MDM4: variants seen among roughly 807,000 people sequenced by gnomAD.
MDM4 encodes the protein protein Mdm4.
A neutral mutation model predicts 60.2 loss-of-function variants in MDM4; 2 were observed. The observed-to-expected ratio is 0.03, with a 90% CI of 0.01 to 0.10. MDM4 has a LOEUF of 0.10. MDM4 is among the 10% of genes least tolerant of loss of function. The pLI, the probability that MDM4 is intolerant of heterozygous loss-of-function variation, is 1.00. For synonymous variants in MDM4, 202 were observed against 198.1 expected (o/e 1.02, Z -0.17); for missense variants, 447 against 577.5 (o/e 0.77, Z 2.32).
chr1:204,557,190 C>G lies in MDM4; in HGVS notation c.*7508C>G, dbSNP rs972468041. ...TTCAGAATACCTCATGTTCTGGAAG[C>G]TGAGCACTAGCTCCCCTTTATTGCC... is the stretch of plus-strand genomic sequence containing the variant. On this transcript the variant is annotated 3_prime_UTR_variant, in exon 11 of 11. Transcript: ENST00000367182. 1.5e-5 allele frequency: 3 copies of G among 194,572 alleles called. No homozygotes were observed. The highest frequency in any genetic ancestry group is 3.2e-5 in the Non-Finnish European group (3 of 93,498). The allele number at this position is 194,572 out of a possible 1,614,324, so 12.1% of individuals were successfully genotyped here.
chr1:204,545,299 G>A (rs1467793414), intron 9 of MDM4, among the ~76,000 whole-genome samples: 2 of 152,108 alleles, frequency 1.3e-5, no homozygotes, highest in Non-Finnish European at 2.9e-5. Context: ...CTATTTTAGT[G>A]TTAAAATAGT....
Position 204,543,022 on chromosome 1 carries a change from T to C in MDM4, c.672+78T>C, listed in dbSNP as rs1572512302. 21 of 1,209,476 alleles carry C rather than the reference T, an allele frequency of 1.7e-5. No individual in the cohort carries two copies. The African/African-American group carries it at 1.8e-4, about 10-fold the overall frequency. 74.9% of individuals were successfully genotyped at this position (1,209,476 alleles called of 1,614,324 possible). On this transcript the variant is annotated intron_variant, in intron 8 of 10. Transcript: ENST00000367182. ...TTCTTGGTTACTCTTGACCACACAT[T>C]ATATTCTCTAAGAATTCTTATTTAC... is the stretch of plus-strand genomic sequence containing the variant.
chr1:204,538,278 T>G lies in MDM4; in HGVS notation c.481T>G (p.Ser161Ala). Residue 161 changes from serine to alanine, a missense_variant, in exon 7 of 11, where the codon TCA becomes GCA. Physicochemically the swap from Ser to Ala is moderately conservative, Grantham distance 99. Coordinates refer to ENST00000367182, the MANE Select transcript of MDM4 (RefSeq NM_002393.5). ...AGACGATATCCCCACACTGCCTACCTCAGAGCATAAATGCATACATTCTAG... is the reference window on the plus strand; with the variant it reads ...AGACGATATCCCCACACTGCCTACCGCAGAGCATAAATGCATACATTCTAG... ...TEDDIPTLPT[S>A]EHKCIHSRED... 6.2e-7 allele frequency: 1 copy of G among 1,605,614 alleles called. No individual in the cohort carries two copies. Among genetic ancestry groups the G allele is most frequent in the Non-Finnish European group, 8.5e-7 (1 of 1,172,242 alleles).
intron 7 of MDM4, among the ~76,000 whole-genome samples, chr1:204,541,338 G>A (rs4252711): frequency 0.037 from 5,676 of 152,182 alleles, 142 homozygotes; most frequent in Admixed American, 0.057. Flanking sequence ...ATGATGGTGC[G>A]CACCAGTCGT....
chr1:204,554,506 T>C lies in MDM4; in HGVS notation c.*4824T>C. ...ATCAAAGATGAACCGGTAAGCTGTC[T>C]CATGTACCAAACGTGAAATTTACAG... On this transcript the variant is annotated 3_prime_UTR_variant, in exon 11 of 11. Transcript: ENST00000367182. The C allele has an allele frequency of 4.4e-6, 1 of 225,570 alleles. No homozygotes were observed. The highest frequency in any genetic ancestry group is 6.4e-5 in the East Asian group (1 of 15,530). 14.0% of individuals were successfully genotyped at this position (225,570 alleles called of 1,614,324 possible). A position where few individuals can be genotyped will look rare whatever the true frequency, so the allele number is the denominator to read the frequency against.
Position 204,557,904 on chromosome 1 carries a change from C to CTAATAA in MDM4, c.*8244_*8249dup, listed in dbSNP as rs56199911. Reference sequence around the variant, plus strand: ...GTAATAATAAAACTTCAGTCTTTCGCTAATAATAATAATAATAATAATAAT... The same window carrying CTAATAA: ...GTAATAATAAAACTTCAGTCTTTCGCTAATAATAATAATAATAATAATAATAATAAT... On this transcript the variant is annotated 3_prime_UTR_variant, in exon 11 of 11. Coordinates refer to ENST00000367182, the MANE Select transcript of MDM4 (RefSeq NM_002393.5). 1.1e-3 allele frequency: 172 copies of CTAATAA among 150,836 alleles called. No individual in the cohort carries two copies. The highest frequency in any genetic ancestry group is 2.2e-3 in the Middle Eastern group (1 of 448). 9.3% of individuals were successfully genotyped at this position (150,836 alleles called of 1,614,324 possible).
At chr1:204,531,652 G>C (rs1329385759) in intron 4 of MDM4, among the ~76,000 whole-genome samples, 3 of 152,118 alleles carry the variant, frequency 2.0e-5, no homozygotes, top group Non-Finnish European at 4.4e-5. Flanking sequence ...CAACATAAGT[G>C]AAACGCCGTC....
rs191819769 is a variant in MDM4 at position 204,556,798 on chromosome 1, T to G, written c.*7116T>G. The G allele has an allele frequency of 6.4e-4, 133 of 206,850 alleles. 1 individual carries two copies. The highest frequency in any genetic ancestry group is 1.6e-3 in the Middle Eastern group (1 of 634). The allele number at this position is 206,850 out of a possible 1,614,324, so 12.8% of individuals were successfully genotyped here. A position where few individuals can be genotyped will look rare whatever the true frequency, so the allele number is the denominator to read the frequency against. The stretch of plus-strand genomic sequence containing the variant: ...TGAGAATCGAAGTGTTTCTTTTGGG[T>G]TTTTTTTTCCCCCTTTTAAAATCAA... On this transcript the variant is annotated 3_prime_UTR_variant, in exon 11 of 11. Coordinates refer to ENST00000367182, the MANE Select transcript of MDM4 (RefSeq NM_002393.5).
At position 204,554,101 on chromosome 1, in the gene MDM4, T is replaced by C. The variant is rs887608180; in HGVS notation, c.*4419T>C. 4 of 229,206 alleles carry C rather than the reference T, an allele frequency of 1.7e-5. No individual in the cohort carries two copies. Among genetic ancestry groups the C allele is most frequent in the African/African-American group, 8.9e-5 (4 of 45,162 alleles). The allele number at this position is 229,206 out of a possible 1,614,324, so 14.2% of individuals were successfully genotyped here. A position where few individuals can be genotyped will look rare whatever the true frequency, so the allele number is the denominator to read the frequency against. ...TTAAGGGTCAAGGTCATTTGTAACATTTTGTGTGTGTCAATTCAATGCAAT... is the reference window on the plus strand; with the variant it reads ...TTAAGGGTCAAGGTCATTTGTAACACTTTGTGTGTGTCAATTCAATGCAAT... On this transcript the variant is annotated 3_prime_UTR_variant, in exon 11 of 11. Coordinates refer to ENST00000367182, the MANE Select transcript of MDM4 (RefSeq NM_002393.5).
intron 3 of MDM4, among the ~76,000 whole-genome samples, chr1:204,528,121 T>A (rs1660423231): frequency 6.7e-6 from 1 of 150,190 alleles, no homozygotes; most frequent in African/African-American, 2.4e-5. Context: ...AAGCTTACAA[T>A]TTCACTGAAC....
chr1:204,525,347 G>T (rs547927180), intron 1 of MDM4, 137 bp from the exon 2 acceptor site: 200 of 1,383,612 alleles, frequency 1.4e-4, no homozygotes, highest in Admixed American at 7.1e-4. Context: ...CTCAGCAAGG[G>T]TATACAGCAT....
chr1:204,537,283 G>A lies in MDM4; in HGVS notation c.344-147G>A, dbSNP rs971072964. On this transcript the variant is annotated intron_variant, in intron 5 of 10. Coordinates refer to ENST00000367182, the MANE Select transcript of MDM4 (RefSeq NM_002393.5). Reference sequence around the variant, plus strand: ...TTTTATCAATTTTGATTTTTCCCTTGCAAATGAGAGCTTTGTCCAGCCAAC... The same window carrying A: ...TTTTATCAATTTTGATTTTTCCCTTACAAATGAGAGCTTTGTCCAGCCAAC... 17 of 557,710 alleles carry A rather than the reference G, an allele frequency of 3.0e-5. No individual in the cohort carries two copies. The Admixed American group carries it at 3.1e-4, about 10-fold the overall frequency. The allele number at this position is 557,710 out of a possible 1,614,324, so 34.5% of individuals were successfully genotyped here. A position where few individuals can be genotyped will look rare whatever the true frequency, so the allele number is the denominator to read the frequency against.
Position 204,554,020 on chromosome 1 carries a change from T to C in MDM4, c.*4338T>C, listed in dbSNP as rs1663395658. ...TTGTGTTTTAATTATAATTTATGTA[T>C]AGTTAGATGTATGTAGTGCATTGTG... On this transcript the variant is annotated 3_prime_UTR_variant, in exon 11 of 11. Transcript: ENST00000367182. The C allele has an allele frequency of 8.9e-6, 2 of 225,722 alleles. No homozygotes were observed. Among genetic ancestry groups the C allele is most frequent in the African/African-American group, 2.2e-5 (1 of 44,944 alleles). The allele number at this position is 225,722 out of a possible 1,614,324, so 14.0% of individuals were successfully genotyped here. A position where few individuals can be genotyped will look rare whatever the true frequency, so the allele number is the denominator to read the frequency against.
chr1:204,526,891 G>C (rs894975149), intron 3 of MDM4, among the ~76,000 whole-genome samples: 1 of 152,204 alleles, frequency 6.6e-6, no homozygotes, highest in African/African-American at 2.4e-5. Flanking sequence ...TTTAAAGACT[G>C]TTAGGTTGAA....
intron 10 of MDM4, 145 bp downstream of exon 10, chr1:204,547,022 A>AT (rs1196606388): frequency 1.8e-5 from 9 of 490,502 alleles, no homozygotes; most frequent in East Asian, 1.4e-4. Context: ...GTTTCTTTAC[A>AT]TTTTTTTAAG....
At chr1:204,532,351 G>A in intron 5 of MDM4, 105 bp downstream of exon 5, 1 of 756,056 alleles carries the variant, frequency 1.3e-6, no homozygotes. Flanking sequence ...TGCTATCTTT[G>A]GCATGACTGG....
chr1:204,549,773 C>A lies in MDM4; in HGVS notation c.*91C>A. On this transcript the variant is annotated 3_prime_UTR_variant, in exon 11 of 11. Coordinates refer to ENST00000367182, the MANE Select transcript of MDM4 (RefSeq NM_002393.5). ...TTATTTAATTTTATTTCCAACCTGT[C>A]AGAGAATGTTCTTAGGCATCAAAAT... is the stretch of plus-strand genomic sequence containing the variant. The A allele has an allele frequency of 1.2e-6, 1 of 866,766 alleles. No homozygotes were observed. The highest frequency in any genetic ancestry group is 2.1e-5 in the South Asian group (1 of 48,474). The allele number at this position is 866,766 out of a possible 1,614,324, so 53.7% of individuals were successfully genotyped here. A position where few individuals can be genotyped will look rare whatever the true frequency, so the allele number is the denominator to read the frequency against.
At chr1:204,517,072 C>T (rs917314808) in intron 1 of MDM4, among the ~76,000 whole-genome samples, 1 of 151,928 alleles carries the variant, frequency 6.6e-6, no homozygotes, top group Admixed American at 6.6e-5. Context: ...GAAACCCCGT[C>T]TCTAGTAAAA....
chr1:204,517,824 GT>G (rs894293004), intron 1 of MDM4, among the ~76,000 whole-genome samples: 1 of 151,660 alleles, frequency 6.6e-6, no homozygotes, highest in African/African-American at 2.4e-5. Flanking sequence ...CTGTATCTCA[GT>G]TTAGATTTAG....
Sources: gnomAD v4.1 joint callset for allele counts (sites outside exome capture counted in the v4.1 genomes callset) on GRCh38, gnomAD v4.1.1 for gene constraint, MANE v1.5 for transcripts, NCBI Gene and HGNC (gene_info 2026-07-23, HGNC 2026-07-21) for gene names.